SMC3: variants seen among roughly 807,000 people sequenced by gnomAD.
The protein encoded by SMC3 is structural maintenance of chromosomes 3, also known as structural maintenance of chromosomes protein 3.
In SMC3, 20 loss-of-function variants were observed where a neutral mutation model predicts 171.8. That is an observed-to-expected ratio of 0.12 (90% CI 0.08 to 0.17). SMC3 has a LOEUF of 0.17. SMC3 is among the 10% of genes least tolerant of loss of function. The pLI is 1.00. For missense variants in SMC3, 543 were observed against 1,420.4 expected (o/e 0.38, Z 9.93); for synonymous variants, 464 against 451.1 (o/e 1.03, Z -0.36).
intron 27 of SMC3, 46 bp downstream of exon 27, chr10:110,603,048 G>A: frequency 2.5e-6 from 4 of 1,597,480 alleles, no homozygotes; most frequent in South Asian, 2.2e-5. Context: ...CAATAAGCTG[G>A]TAATATTTGC....
intron 22 of SMC3, among the ~76,000 whole-genome samples, 191 bp downstream of exon 22, chr10:110,600,737 G>A (rs1861373366): frequency 6.6e-6 from 1 of 151,996 alleles, no homozygotes; most frequent in African/African-American, 2.4e-5. Flanking sequence ...CTAAGCCTCA[G>A]TTTCTTGTGT....
rs1861415044 is a variant in SMC3 at position 110,603,298 on chromosome 10, T to C, written c.3582+8T>C. 1.3e-6 allele frequency: 2 copies of C among 1,482,172 alleles called. No homozygotes were observed. The highest frequency in any genetic ancestry group is 9.4e-7 in the Non-Finnish European group (1 of 1,062,216). 91.8% of individuals were successfully genotyped at this position (1,482,172 alleles called of 1,614,324 possible). ...GTAAAGTTCAGAAATAAGGTAATTT[T>C]ATTTTACATTGAGTTTAAGTTTGTA... On this transcript the variant is annotated splice_region_variant and intron_variant, in intron 28 of 28. Coordinates refer to ENST00000361804, the MANE Select transcript of SMC3 (RefSeq NM_005445.4).
chr10:110,567,856 C>G, intron 1 of SMC3, 25 bp downstream of exon 1: 2 of 1,613,140 alleles, frequency 1.2e-6, no homozygotes, highest in Non-Finnish European at 1.7e-6. Context: ...TCCCTCCACC[C>G]CGTCATGGGC....
In SMC3 at chr10:110,580,981, C is replaced by A; in HGVS notation, c.507C>A (p.Asp169Glu). 1 of 1,603,530 alleles carries A rather than the reference C, an allele frequency of 6.2e-7. No homozygotes were observed. Among genetic ancestry groups the A allele is most frequent in the Non-Finnish European group, 8.5e-7 (1 of 1,170,424 alleles). Reference protein sequence around the residue: ...LREVAGTRVYDERKEESISLM... With the variant: ...LREVAGTRVYEERKEESISLM... ...AAGTAGCTGGTACTAGAGTGTATGA[C>A]GAACGAAAGGAAGAAAGCATCTCCT... The change falls in exon 8 of 29, where the codon GAC becomes GAA. Residue 169 changes from aspartate to glutamate, a missense_variant. Transcript: ENST00000361804.
intron 25 of SMC3, 109 bp downstream of exon 25, chr10:110,602,287 A>G (rs1443323158): frequency 9.3e-7 from 1 of 1,070,020 alleles, no homozygotes; most frequent in Non-Finnish European, 1.4e-6. Flanking sequence ...GGTGAATCTA[A>G]TACATGTGAA....
intron 7 of SMC3, among the ~76,000 whole-genome samples, chr10:110,580,076 A>G (rs1286911999): frequency 6.6e-6 from 1 of 152,242 alleles, no homozygotes. Flanking sequence ...AAGAAATAAT[A>G]CAAATTTAAA....
At chr10:110,575,680 A>G (rs764393259) in intron 4 of SMC3, among the ~76,000 whole-genome samples, 16 of 152,218 alleles carry the variant, frequency 1.1e-4, no homozygotes, top group Non-Finnish European at 2.2e-4. Flanking sequence ...CATGATATAT[A>G]TCATAAGTGT....
intron 11 of SMC3, 39 bp downstream of exon 11, chr10:110,583,587 A>C (rs1425990574): frequency 6.3e-7 from 1 of 1,599,694 alleles, no homozygotes; most frequent in Non-Finnish European, 8.6e-7. Context: ...GTGAATGTTC[A>C]GGTGAGTAGC....
chr10:110,582,352 CT>C (rs112915202), intron 9 of SMC3, among the ~76,000 whole-genome samples: 5 of 65,802 alleles, frequency 7.6e-5, no homozygotes, highest in African/African-American at 1.8e-4. Context: ...ATTTTGAAGG[CT>C]TCTTGTAGTT....
In SMC3 at chr10:110,602,814, T is replaced by A; in HGVS notation, c.3298-11T>A. 6.2e-7 allele frequency: 1 copy of A among 1,612,706 alleles called. No homozygotes were observed. The highest frequency in any genetic ancestry group is 1.1e-5 in the South Asian group (1 of 91,050). On this transcript the variant is annotated splice_polypyrimidine_tract_variant and intron_variant, in intron 26 of 28. Coordinates refer to ENST00000361804, the MANE Select transcript of SMC3 (RefSeq NM_005445.4). ...CTTTAGGATATTAACTCATAATATG[T>A]TTATTTTTAGGTGTCATTTACAGGA...
chr10:110,595,816 G>T (rs1003507836), intron 18 of SMC3, among the ~76,000 whole-genome samples: 3 of 151,204 alleles, frequency 2.0e-5, no homozygotes, highest in African/African-American at 4.9e-5. Flanking sequence ...CCCAAATATG[G>T]CCAGTGGAAA....
chr10:110,572,599 A>T (rs1860888382), intron 2 of SMC3, among the ~76,000 whole-genome samples: 2 of 152,178 alleles, frequency 1.3e-5, no homozygotes, highest in Admixed American at 1.3e-4. Context: ...CACCCAGTCA[A>T]GGTCTAATGT....
intron 9 of SMC3, 32 bp downstream of exon 9, chr10:110,582,130 GATTA>G (rs2134724961): frequency 1.3e-6 from 2 of 1,568,242 alleles, no homozygotes; most frequent in Non-Finnish European, 1.8e-6. Context: ...CTTAAAATCA[GATTA>G]ATTTTGTTTT....
At chr10:110,572,552 G>A (rs985114021) in intron 2 of SMC3, among the ~76,000 whole-genome samples, 2 of 152,110 alleles carry the variant, frequency 1.3e-5, no homozygotes, top group Non-Finnish European at 2.9e-5. Flanking sequence ...AGGCACATGA[G>A]GTCTGTCTGA....
chr10:110,599,950 A>T (rs1391508013), intron 21 of SMC3, 138 bp downstream of exon 21: 2 of 800,010 alleles, frequency 2.5e-6, no homozygotes, highest in African/African-American at 3.4e-5. Context: ...TAATATACAT[A>T]GGAGTAAATA....
chr10:110,598,130 C>T lies in SMC3; in HGVS notation c.2117-9C>T. The stretch of plus-strand genomic sequence containing the variant: ...CAACCTGGAGATAATTTTCCTTAGC[C>T]TTGTATATGGATTAATAATGAAATT... On this transcript the variant is annotated splice_polypyrimidine_tract_variant and intron_variant, in intron 19 of 28. Coordinates refer to ENST00000361804, the MANE Select transcript of SMC3 (RefSeq NM_005445.4). The T allele has an allele frequency of 6.2e-7, 1 of 1,612,620 alleles. No individual in the cohort carries two copies. The highest frequency in any genetic ancestry group is 8.5e-7 in the Non-Finnish European group (1 of 1,179,164).
intron 15 of SMC3, 83 bp from the exon 16 acceptor site, chr10:110,590,329 T>C (rs1861186337): frequency 8.7e-7 from 1 of 1,150,772 alleles, no homozygotes; most frequent in South Asian, 1.3e-5. Flanking sequence ...ATTTTTAAAA[T>C]GTATGGTGTT....
rs185589534 is a variant in SMC3, at chr10:110,577,823, A to G, written c.271-12A>G. 5.0e-6 allele frequency: 8 copies of G among 1,594,996 alleles called. No homozygotes were observed. In the Admixed American group the frequency reaches 1.3e-4, roughly 27 times the overall value. On this transcript the variant is annotated splice_polypyrimidine_tract_variant and intron_variant, in intron 5 of 28. Transcript: ENST00000361804. The stretch of plus-strand genomic sequence containing the variant: ...TATTAAATTAACTGTGGGCTTTTAC[A>G]TTTTTTCTTAGATCGATAAAGAGGA...
intron 3 of SMC3, among the ~76,000 whole-genome samples, chr10:110,574,860 G>C (rs1473562803): frequency 6.6e-6 from 1 of 152,158 alleles, no homozygotes; most frequent in African/African-American, 2.4e-5. Flanking sequence ...TATAAGTTGG[G>C]CATCTCAAAC....
Sources: gnomAD v4.1 joint callset for allele counts (sites outside exome capture counted in the v4.1 genomes callset) on GRCh38, gnomAD v4.1.1 for gene constraint, MANE v1.5 for transcripts, NCBI Gene and HGNC (gene_info 2026-07-23, HGNC 2026-07-21) for gene names.